The following MMADHC variants were observed in gnomAD, a reference collection of about 807,000 sequenced individuals.
MMADHC encodes cobalamin trafficking protein CblD.
A neutral mutation model predicts 36.3 loss-of-function variants in MMADHC; 23 were observed. The observed-to-expected ratio is 0.63, with a 90% CI of 0.46 to 0.90. The LOEUF is 0.90. Among genes scored for constraint, MMADHC ranks in the 40% least tolerant of loss-of-function variants. The probability of loss-of-function intolerance (pLI) is 0.00; values close to 1 mark genes in which losing one functional copy is unlikely to be tolerated. For missense variants in MMADHC, 330 were observed against 348.0 expected (o/e 0.95, Z 0.41); for synonymous variants, 97 against 116.1 (o/e 0.84, Z 1.06).
intron 6 of MMADHC, among the ~76,000 whole-genome samples, chr2:149,574,122 T>C (rs781491624): frequency 6.6e-6 from 1 of 152,166 alleles, no homozygotes; most frequent in Admixed American, 6.5e-5. Flanking sequence ...AAACTGGTTA[T>C]AGGAAACTTA....
intron 3 of MMADHC, among the ~76,000 whole-genome samples, chr2:149,581,570 TC>T (rs756574536): frequency 3.9e-5 from 6 of 152,244 alleles, no homozygotes; most frequent in South Asian, 4.2e-4. Context: ...ACAGAGACTA[TC>T]CCCCTACCCC....
chr2:149,580,335 G>A (rs750096291), intron 3 of MMADHC, among the ~76,000 whole-genome samples: 14 of 152,092 alleles, frequency 9.2e-5, no homozygotes, highest in Non-Finnish European at 1.5e-4. Context: ...TTCTGCTGCT[G>A]TTATCTGGTG....
intron 4 of MMADHC, among the ~76,000 whole-genome samples, chr2:149,577,368 A>G (rs1682732451): frequency 6.6e-6 from 1 of 152,220 alleles, no homozygotes; most frequent in Non-Finnish European, 1.5e-5. Flanking sequence ...GTATTCAAGA[A>G]AAATGGCAAG....
chr2:149,571,824 A>G (rs1682645287), intron 6 of MMADHC, among the ~76,000 whole-genome samples: 1 of 152,052 alleles, frequency 6.6e-6, no homozygotes, highest in Admixed American at 6.5e-5. Flanking sequence ...GGAAAATAAA[A>G]TGCTCTTAGT....
chr2:149,581,997 G>T, intron 3 of MMADHC, 130 bp downstream of exon 3: 1 of 961,648 alleles, frequency 1.0e-6, no homozygotes, highest in Non-Finnish European at 1.6e-6. Flanking sequence ...GCAGAGCTGT[G>T]ATTCATTTTC....
chr2:149,571,258 G>T (rs1287109740), intron 6 of MMADHC, 87 bp from the exon 7 acceptor site: 6 of 828,826 alleles, frequency 7.2e-6, no homozygotes, highest in African/African-American at 1.8e-5. Flanking sequence ...TGACTATCTT[G>T]TTTCAGAAAA....
intron 2 of MMADHC, among the ~76,000 whole-genome samples, chr2:149,585,557 CAGA>C (rs1317706069): frequency 1.3e-5 from 2 of 152,212 alleles, no homozygotes; most frequent in African/African-American, 2.4e-5. Flanking sequence ...CTTGAAAACT[CAGA>C]AGATCTGGCA....
In MMADHC at chr2:149,584,558, T is replaced by C. The variant is rs1352144613; in HGVS notation, c.10-2287A>G. Among the ~76,000 whole-genome samples the C allele has an allele frequency of 3.3e-5, 5 of 152,204 alleles. 1 individual carries two copies. Among genetic ancestry groups the C allele is most frequent in the Non-Finnish European group, 7.3e-5 (5 of 68,028 alleles). ...TCTATCAAGGCCATTAGATTATATT[T>C]TGACATTCTTTTCTTGGTGATAGAA... is the stretch of plus-strand genomic sequence containing the variant. On this transcript the variant is annotated intron_variant, in intron 2 of 7. Coordinates refer to ENST00000303319, the MANE Select transcript of MMADHC (RefSeq NM_015702.3).
chr2:149,570,998 T>G, intron 7 of MMADHC, 87 bp downstream of exon 7: 1 of 1,142,588 alleles, frequency 8.8e-7, no homozygotes, highest in Non-Finnish European at 1.3e-6. Context: ...TAAAAAGTCT[T>G]AATCTATTAC....
intron 7 of MMADHC, among the ~76,000 whole-genome samples, 196 bp from the exon 8 acceptor site, chr2:149,570,364 G>A (rs1420366310): frequency 1.3e-5 from 2 of 152,094 alleles, no homozygotes; most frequent in African/African-American, 2.4e-5. Flanking sequence ...AATCTGAAAT[G>A]ATCTAGCAAA....
At chr2:149,582,666 G>A (rs1441912013) in intron 2 of MMADHC, among the ~76,000 whole-genome samples, 1 of 152,040 alleles carries the variant, frequency 6.6e-6, no homozygotes, top group Non-Finnish European at 1.5e-5. Context: ...TGTTACTTTC[G>A]AACTTTTCTC....
chr2:149,576,324 G>C lies in MMADHC; in HGVS notation c.478+113C>G. ...TTGGCCATGCAATCATTTCCAGCCA[G>C]ATACGGTAAAATATAATATTAAGGT... On this transcript the variant is annotated intron_variant, in intron 5 of 7. Transcript: ENST00000303319. 3 of 781,642 alleles carry C rather than the reference G, an allele frequency of 3.8e-6. No individual in the cohort carries two copies. The Admixed American group carries it at 5.9e-5, about 15-fold the overall frequency. 48.4% of individuals were successfully genotyped at this position (781,642 alleles called of 1,614,324 possible). A position where few individuals can be genotyped will look rare whatever the true frequency, so the allele number is the denominator to read the frequency against.
intron 6 of MMADHC, among the ~76,000 whole-genome samples, chr2:149,575,197 T>C (rs888058552): frequency 1.1e-4 from 16 of 152,346 alleles, no homozygotes; most frequent in African/African-American, 2.6e-4. Context: ...CATGGAAACA[T>C]GTCAAAGCAT....
intron 5 of MMADHC, 143 bp downstream of exon 5, chr2:149,576,294 T>G: frequency 1.5e-6 from 1 of 680,536 alleles, no homozygotes; most frequent in South Asian, 1.7e-5. Context: ...TTCAAAGCCT[T>G]TATCTTGGCC....
At chr2:149,572,785 T>A (rs1682663431) in intron 6 of MMADHC, among the ~76,000 whole-genome samples, 1 of 152,018 alleles carries the variant, frequency 6.6e-6, no homozygotes. Context: ...GGCCTAGAAA[T>A]CCATGTGTCA....
intron 2 of MMADHC, among the ~76,000 whole-genome samples, chr2:149,583,545 CA>C (rs1225322073): frequency 6.6e-6 from 1 of 151,864 alleles, no homozygotes; most frequent in Non-Finnish European, 1.5e-5. Flanking sequence ...AGCAAACTGA[CA>C]AAAACAAAGG....
intron 2 of MMADHC, among the ~76,000 whole-genome samples, chr2:149,585,426 T>C (rs956248975): frequency 2.6e-5 from 4 of 152,252 alleles, no homozygotes; most frequent in African/African-American, 9.6e-5. Flanking sequence ...GTAGTTTATG[T>C]AGTGCATCCA....
At chr2:149,572,045 G>T (rs539951897) in intron 6 of MMADHC, among the ~76,000 whole-genome samples, 1 of 151,898 alleles carries the variant, frequency 6.6e-6, no homozygotes, top group Non-Finnish European at 1.5e-5. Flanking sequence ...TTTGTATAGT[G>T]TACAATTACT....
chr2:149,577,467 T>C (rs1034557891), intron 4 of MMADHC, among the ~76,000 whole-genome samples: 5 of 152,170 alleles, frequency 3.3e-5, no homozygotes, highest in East Asian at 1.9e-4. Flanking sequence ...ATGCCATTTA[T>C]TCAGCATTAA....
Sources: allele counts gnomAD v4.1 joint callset (sites outside exome capture counted in the v4.1 genomes callset), GRCh38; gene constraint gnomAD v4.1.1; transcripts MANE v1.5; gene names NCBI Gene and HGNC (gene_info 2026-07-23, HGNC 2026-07-21).